TIRAP: variants seen among roughly 807,000 people sequenced by gnomAD.
The protein encoded by TIRAP is toll/interleukin-1 receptor domain-containing adapter protein.
In TIRAP, 20 loss-of-function variants were observed where a neutral mutation model predicts 19.8. That is an observed-to-expected ratio of 1.01 (90% confidence interval 0.71 to 1.47). The LOEUF (loss-of-function observed/expected upper bound fraction) is 1.47. Ranked by LOEUF, TIRAP falls within the 40% of genes most tolerant of loss-of-function variation. The pLI is 0.00. For missense variants in TIRAP, 276 were observed against 285.1 expected, an observed-to-expected ratio of 0.97 and a Z score of 0.23; for synonymous variants, 125 against 121.7, an observed-to-expected ratio of 1.03 and a Z score of -0.18.
intron 3 of TIRAP, among the ~76,000 whole-genome samples, chr11:126,292,103 A>G (rs1042524038): frequency 6.6e-6 from 1 of 151,972 alleles, no homozygotes; most frequent in Non-Finnish European, 1.5e-5. Context: ...CAGAAGTTCA[A>G]GACCAGCCTG....
intron 4 of TIRAP, 32 bp from the exon 5 acceptor site, chr11:126,293,636 G>A: frequency 1.2e-6 from 2 of 1,612,772 alleles, no homozygotes; most frequent in Non-Finnish European, 1.7e-6. Flanking sequence ...GGGTTTGGGA[G>A]GTGTGACAAC....
intron 1 of TIRAP, among the ~76,000 whole-genome samples, chr11:126,284,033 CTTTTTTT>C (rs749115228): frequency 1.8e-5 from 2 of 113,202 alleles, no homozygotes; most frequent in Non-Finnish European, 3.4e-5. Context: ...TCATGTACTT[CTTTTTTT>C]TTTTTTTTTT....
Position 126,292,903 on chromosome 11 carries a change from TGACC to T in TIRAP, c.497_500del (p.Thr166ArgfsTer68). 1 of 1,613,714 alleles carries T rather than the reference TGACC, an allele frequency of 6.2e-7. No homozygotes were observed. The highest frequency in any genetic ancestry group is 8.5e-7 in the Non-Finnish European group (1 of 1,179,930). On this transcript the variant is annotated frameshift_variant, in exon 4 of 5. Transcript: ENST00000392679. LOFTEE classifies it high-confidence loss of function. ...TGCAAGTACCAGATGCTGCAGGCCC[TGACC>T]GAGGCTCCAGGGGCCGAGGGCTGCA...
At chr11:126,284,034 T>A (rs1319347941) in intron 1 of TIRAP, among the ~76,000 whole-genome samples, 4 of 26,708 alleles carry the variant, frequency 1.5e-4, no homozygotes, top group African/African-American at 3.6e-4. Context: ...CATGTACTTC[T>A]TTTTTTTTTT....
At chr11:126,285,392 G>C (rs1039715433) in intron 1 of TIRAP, among the ~76,000 whole-genome samples, 3 of 151,722 alleles carry the variant, frequency 2.0e-5, no homozygotes, top group Admixed American at 6.6e-5. Flanking sequence ...CTCCCGAGTA[G>C]CTGGGATTAC....
At position 126,292,855 on chromosome 11, in the gene TIRAP, C is replaced by T. The variant is rs781258150; in HGVS notation, c.446C>T (p.Pro149Leu). 2.3e-5 allele frequency: 37 copies of T among 1,613,110 alleles called. No homozygotes were observed. In the Middle Eastern group the frequency reaches 4.9e-4, roughly 21 times the overall value. ...SSHCRVLLITPGFLQDPWCKY... is the reference protein window; with the variant it reads ...SSHCRVLLITLGFLQDPWCKY... ...CACTGCCGGGTGCTGCTCATCACGC[C>T]GGGCTTCCTTCAGGACCCCTGGTGC... The change falls in exon 4 of 5, where the codon CCG becomes CTG. Residue 149 changes from proline (P) to leucine (L), a missense_variant. Transcript: ENST00000392679.
At position 126,293,006 on chromosome 11, in the gene TIRAP, C is replaced by T; in HGVS notation, c.597C>T (p.Gly199=). 6.2e-7 allele frequency: 1 copy of T among 1,614,234 alleles called. No individual in the cohort carries two copies. The highest frequency in any genetic ancestry group is 8.5e-7 in the Non-Finnish European group (1 of 1,180,042). Residue 199 remains glycine (G), a synonymous_variant, in exon 4 of 5, where the codon GGC becomes GGT. Coordinates refer to ENST00000392679, the MANE Select transcript of TIRAP (RefSeq NM_001318777.2). ...TCCGATTCATGTACTACGTCGATGGCAGGGGCCCTGATGGTGGCTTTCGTC... is the reference window on the plus strand; with the variant it reads ...TCCGATTCATGTACTACGTCGATGGTAGGGGCCCTGATGGTGGCTTTCGTC... ...PELRFMYYVD[G]RGPDGGFRQV...
chr11:126,291,460 A>T lies in TIRAP; in HGVS notation c.67+499A>T. 7.6e-7 allele frequency: 1 copy of T among 1,318,252 alleles called. No homozygotes were observed. The highest frequency in any genetic ancestry group is 1.0e-6 in the Non-Finnish European group (1 of 997,910). The allele number at this position is 1,318,252 out of a possible 1,614,324, so 81.7% of individuals were successfully genotyped here. ...GCAGACCCTGCTGAAGAAGCCCAAGAAGAGGCCCGGCTCCCTGACATACCT... is the reference window on the plus strand; with the variant it reads ...GCAGACCCTGCTGAAGAAGCCCAAGTAGAGGCCCGGCTCCCTGACATACCT... On this transcript the variant is annotated intron_variant, in intron 3 of 4. Coordinates refer to ENST00000392679, the MANE Select transcript of TIRAP (RefSeq NM_001318777.2). The surrounding 1 kb of genome is among the most constrained non-coding windows in gnomAD (Gnocchi z 5.6).
At chr11:126,285,261 A>ATAT (rs776825456) in intron 1 of TIRAP, among the ~76,000 whole-genome samples, 2 of 51,246 alleles carry the variant, frequency 3.9e-5, no homozygotes, top group South Asian at 1.7e-3. Flanking sequence ...ATATATATAT[A>ATAT]ATATATATTT....
In TIRAP at chr11:126,290,458, T is replaced by C; in HGVS notation, c.-216-4T>C. On this transcript the variant is annotated splice_polypyrimidine_tract_variant and splice_region_variant and intron_variant, in intron 1 of 4. Coordinates refer to ENST00000392679, the MANE Select transcript of TIRAP (RefSeq NM_001318777.2). This position sits in a 1 kb window ranked among gnomAD's most constrained non-coding sequence, Gnocchi z 4.9. ...TAGCAACTGTCCTTCTTCTGCCATTTCAGGCCTTACATAGGAAGTCCTTCT... is the reference window on the plus strand; with the variant it reads ...TAGCAACTGTCCTTCTTCTGCCATTCCAGGCCTTACATAGGAAGTCCTTCT... The C allele has an allele frequency of 1.0e-6, 1 of 992,006 alleles. No individual in the cohort carries two copies. The highest frequency in any genetic ancestry group is 1.2e-6 in the Non-Finnish European group (1 of 834,454). 61.5% of individuals were successfully genotyped at this position (992,006 alleles called of 1,614,324 possible). A position where few individuals can be genotyped will look rare whatever the true frequency, so the allele number is the denominator to read the frequency against.
chr11:126,283,534 T>C (rs1456895025), intron 1 of TIRAP, among the ~76,000 whole-genome samples: 2 of 152,216 alleles, frequency 1.3e-5, no homozygotes, highest in Non-Finnish European at 2.9e-5. Flanking sequence ...GCTCTTCGGG[T>C]TGTCATTGTG....
chr11:126,293,199 G>A (rs974210702), intron 4 of TIRAP, 144 bp downstream of exon 4: 2 of 1,468,768 alleles, frequency 1.4e-6, no homozygotes, highest in African/African-American at 1.4e-5. Context: ...CCTGGCTCCT[G>A]CACTTATTAA....
chr11:126,293,295 T>C, intron 4 of TIRAP: 2 of 760,818 alleles, frequency 2.6e-6, no homozygotes, highest in South Asian at 2.9e-5. Context: ...TGCTATGAAA[T>C]GAGAACAGTA....
chr11:126,289,241 A>G (rs1309628916), intron 1 of TIRAP, among the ~76,000 whole-genome samples: 5 of 152,230 alleles, frequency 3.3e-5, no homozygotes, highest in Non-Finnish European at 7.3e-5. Flanking sequence ...TCTACGCATC[A>G]GTGAACAAAG....
chr11:126,291,238 A>C lies in TIRAP; in HGVS notation c.67+277A>C, dbSNP rs932969487. On this transcript the variant is annotated intron_variant, in intron 3 of 4. Transcript: ENST00000392679. This position sits in a 1 kb window ranked among gnomAD's most constrained non-coding sequence, Gnocchi z 5.6. ...CTGGAAACCACTGTGCTGAGTGCTT[A>C]ACACTGTCTCTTGTCGTCCAAATCT... is the stretch of plus-strand genomic sequence containing the variant. 2 of 585,194 alleles carry C rather than the reference A, an allele frequency of 3.4e-6. No homozygotes were observed. The highest frequency in any genetic ancestry group is 3.7e-5 in the African/African-American group (2 of 53,568). 36.3% of individuals were successfully genotyped at this position (585,194 alleles called of 1,614,324 possible).
chr11:126,291,041 C>A lies in TIRAP; in HGVS notation c.67+80C>A. 1 of 1,477,814 alleles carries A rather than the reference C, an allele frequency of 6.8e-7. No individual in the cohort carries two copies. The highest frequency in any genetic ancestry group is 9.1e-7 in the Non-Finnish European group (1 of 1,098,416). 91.5% of individuals were successfully genotyped at this position (1,477,814 alleles called of 1,614,324 possible). On this transcript the variant is annotated intron_variant, in intron 3 of 4. Transcript: ENST00000392679. The surrounding 1 kb of genome is among the most constrained non-coding windows in gnomAD (Gnocchi z 5.6). ...TCCATAGGGCGCGGTGGGAGGCCTG[C>A]CTGGTCCAAACTCAGAGAGACGCAG...
At position 126,291,047 on chromosome 11, in the gene TIRAP, C is replaced by G. The variant is rs1001599391; in HGVS notation, c.67+86C>G. The G allele has an allele frequency of 5.4e-6, 8 of 1,468,950 alleles. No homozygotes were observed. Among genetic ancestry groups the G allele is most frequent in the Non-Finnish European group, 7.3e-6 (8 of 1,093,616 alleles). The allele number at this position is 1,468,950 out of a possible 1,614,324, so 91.0% of individuals were successfully genotyped here. On this transcript the variant is annotated intron_variant, in intron 3 of 4. Transcript: ENST00000392679. This position sits in a 1 kb window ranked among gnomAD's most constrained non-coding sequence, Gnocchi z 5.6. ...GGGCGCGGTGGGAGGCCTGCCTGGT[C>G]CAAACTCAGAGAGACGCAGGAAGGC...
In TIRAP at chr11:126,291,131, G is replaced by A. The variant is rs1951379607; in HGVS notation, c.67+170G>A. ...CTGGATGCTTTGTGGAGAGTGAGGA[G>A]GGGAGGCCTGCGTCAGCTCAGCCAG... On this transcript the variant is annotated intron_variant, in intron 3 of 4. Transcript: ENST00000392679. The surrounding 1 kb of genome is among the most constrained non-coding windows in gnomAD (Gnocchi z 5.6). 2 of 791,732 alleles carry A rather than the reference G, an allele frequency of 2.5e-6. No individual in the cohort carries two copies. The highest frequency in any genetic ancestry group is 3.9e-6 in the Non-Finnish European group (2 of 509,450). 49.0% of individuals were successfully genotyped at this position (791,732 alleles called of 1,614,324 possible).
At chr11:126,292,274 AG>A (rs1366184254) in intron 3 of TIRAP, among the ~76,000 whole-genome samples, 1 of 144,942 alleles carries the variant, frequency 6.9e-6, no homozygotes, top group Non-Finnish European at 1.5e-5. Flanking sequence ...ACTGTACTCC[AG>A]CCTGGGTGAG....
Sources: gnomAD v4.1 joint callset for allele counts (sites outside exome capture counted in the v4.1 genomes callset) on GRCh38, gnomAD v4.1.1 for gene constraint, Gnocchi (gnomAD v3.1) non-coding constraint, MANE v1.5 for transcripts, NCBI Gene and HGNC (gene_info 2026-07-23, HGNC 2026-07-21) for gene names.